SUCLG2: variants seen among roughly 807,000 people sequenced by gnomAD.
The protein encoded by SUCLG2 is succinate--CoA ligase [GDP-forming] subunit beta, mitochondrial.
In SUCLG2, 42 loss-of-function variants were observed where a neutral mutation model predicts 47.9. That is an observed-to-expected ratio of 0.88 (90% CI 0.69 to 1.14). The LOEUF (loss-of-function observed/expected upper bound fraction) is 1.14. Among genes scored for constraint, SUCLG2 ranks in the 50% most tolerant of loss-of-function variants. The pLI, the probability that SUCLG2 is intolerant of heterozygous loss-of-function variation, is 0.00. For missense variants in SUCLG2, 571 were observed against 525.9 expected (o/e 1.09, Z -0.84); for synonymous variants, 195 against 197.3 (o/e 0.99, Z 0.10).
In SUCLG2 at chr3:67,529,204, A is replaced by G; in HGVS notation, c.227-18T>C. On this transcript the variant is annotated intron_variant, in intron 2 of 10. Coordinates refer to ENST00000307227, the MANE Select transcript of SUCLG2 (RefSeq NM_003848.4). ...TTTTGCATCTGAAAAAGAAAAATCC[A>G]GAGTTGGTAGCTGATTTTAAATTCT... The G allele has an allele frequency of 2.5e-6, 4 of 1,587,388 alleles. No individual in the cohort carries two copies. Among genetic ancestry groups the G allele is most frequent in the Non-Finnish European group, 3.4e-6 (4 of 1,164,038 alleles).
At chr3:67,418,266 T>C (rs1458959981) in intron 9 of SUCLG2, among the ~76,000 whole-genome samples, 1 of 152,198 alleles carries the variant, frequency 6.6e-6, no homozygotes, top group Non-Finnish European at 1.5e-5. Flanking sequence ...GGTAAGTACT[T>C]ATTAGCAGTC....
At chr3:67,603,158 GA>G (rs1708456938) in intron 2 of SUCLG2, among the ~76,000 whole-genome samples, 1 of 152,150 alleles carries the variant, frequency 6.6e-6, no homozygotes, top group South Asian at 2.1e-4. Flanking sequence ...TTGGTAAAAG[GA>G]AAACTTACTT....
chr3:67,654,461 G>T (rs759887993), intron 1 of SUCLG2, 42 bp downstream of exon 1: 25 of 1,224,666 alleles, frequency 2.0e-5, no homozygotes, highest in Non-Finnish European at 2.2e-5. Context: ...CGGGCAGGCC[G>T]GCGCCGCTGC....
At chr3:67,593,468 C>T (rs1708222503) in intron 2 of SUCLG2, among the ~76,000 whole-genome samples, 2 of 152,210 alleles carry the variant, frequency 1.3e-5, no homozygotes, top group Non-Finnish European at 2.9e-5. Context: ...TGCCTTTCTT[C>T]AACTACCCCA....
At chr3:67,643,321 A>C (rs772557884) in intron 1 of SUCLG2, among the ~76,000 whole-genome samples, 2 of 152,124 alleles carry the variant, frequency 1.3e-5, no homozygotes, top group African/African-American at 4.8e-5. Context: ...TGTTTTTATT[A>C]ATCTTTTTGA....
chr3:67,452,554 G>A (rs1704080199), intron 9 of SUCLG2, among the ~76,000 whole-genome samples: 2 of 152,094 alleles, frequency 1.3e-5, no homozygotes, highest in South Asian at 2.1e-4. Flanking sequence ...GTAGAAAACA[G>A]GTAAGTTTCA....
At chr3:67,378,965 T>C (rs1222860718) in intron 10 of SUCLG2, among the ~76,000 whole-genome samples, 2 of 152,140 alleles carry the variant, frequency 1.3e-5, no homozygotes, top group Non-Finnish European at 2.9e-5. Flanking sequence ...AATTTTGTTT[T>C]AGACAGAGTC....
At chr3:67,399,802 T>G (rs1702642601) in intron 10 of SUCLG2, among the ~76,000 whole-genome samples, 3 of 152,216 alleles carry the variant, frequency 2.0e-5, no homozygotes, top group African/African-American at 4.8e-5. Context: ...AGATTCCACA[T>G]GGAAACTAAT....
chr3:67,404,544 AG>A (rs1183426094), intron 9 of SUCLG2, among the ~76,000 whole-genome samples: 1 of 152,172 alleles, frequency 6.6e-6, no homozygotes, highest in Non-Finnish European at 1.5e-5. Context: ...CAGGCTGCTT[AG>A]CTCAGGGAAA....
intron 9 of SUCLG2, among the ~76,000 whole-genome samples, chr3:67,486,379 C>T (rs1231985275): frequency 6.6e-6 from 1 of 152,168 alleles, no homozygotes; most frequent in Non-Finnish European, 1.5e-5. Context: ...CAAAACACTA[C>T]CCAGGCAATT....
intron 2 of SUCLG2, among the ~76,000 whole-genome samples, chr3:67,541,872 CTT>C (rs112073915): frequency 3.5e-5 from 5 of 144,092 alleles, no homozygotes; most frequent in Non-Finnish European, 3.1e-5. Context: ...CATTCTTTTT[CTT>C]TTTTTTTTTT....
intron 10 of SUCLG2, among the ~76,000 whole-genome samples, chr3:67,388,340 G>C (rs1166312607): frequency 6.6e-6 from 1 of 152,218 alleles, no homozygotes; most frequent in Non-Finnish European, 1.5e-5. Context: ...CATTTCTGGA[G>C]TCCTAGCTGG....
chr3:67,388,581 C>A (rs1702308814), intron 10 of SUCLG2, among the ~76,000 whole-genome samples: 1 of 152,172 alleles, frequency 6.6e-6, no homozygotes, highest in Non-Finnish European at 1.5e-5. Flanking sequence ...ATTCTTGGCA[C>A]TGATCATAGG....
At chr3:67,474,716 A>G (rs745992352) in intron 9 of SUCLG2, among the ~76,000 whole-genome samples, 2 of 152,130 alleles carry the variant, frequency 1.3e-5, no homozygotes, top group Non-Finnish European at 2.9e-5. Context: ...TCTTTACTGA[A>G]TTTTGTCCTG....
In SUCLG2 at chr3:67,647,262, G is replaced by A. The variant is rs553258129; in HGVS notation, c.84+7241C>T. Among the ~76,000 whole-genome samples, 440 of 152,148 alleles carry A rather than the reference G, an allele frequency of 2.9e-3. 2 individuals are homozygous for A. The highest frequency in any genetic ancestry group is 9.6e-3 in the African/African-American group (398 of 41,496). On this transcript the variant is annotated intron_variant, in intron 1 of 10. Transcript: ENST00000307227. ...ATTCATATATTATGTCAAATCCCTCGAATTTTAAAATAAAAATAAAATTCA... is the reference window on the plus strand; with the variant it reads ...ATTCATATATTATGTCAAATCCCTCAAATTTTAAAATAAAAATAAAATTCA...
rs375087627 is a variant in SUCLG2, at chr3:67,495,846, C to A, written c.1014G>T (p.Lys338Asn). The A allele has an allele frequency of 1.6e-5, 26 of 1,613,892 alleles. No homozygotes were observed. The highest frequency in any genetic ancestry group is 2.0e-5 in the Non-Finnish European group (24 of 1,179,976). The part of the protein sequence containing the change: ...ANFLDLGGGV[K>N]EAQVYQAFKL... ...TGAATGCTTGATATACTTGAGCTTC[C>A]TTTACACCACCTCCAAGATCCAAGA... is the stretch of plus-strand genomic sequence containing the variant. Residue 338 changes from lysine (K) to asparagine (N), a missense_variant, in exon 9 of 11, where the codon AAG becomes AAT. Lys to Asn is a moderately conservative substitution (Grantham distance 94). Transcript: ENST00000307227.
At chr3:67,553,612 C>G (rs574489274) in intron 2 of SUCLG2, among the ~76,000 whole-genome samples, 2 of 152,118 alleles carry the variant, frequency 1.3e-5, no homozygotes, top group South Asian at 4.2e-4. Context: ...ACTCATTATA[C>G]CCATTTTCTT....
At chr3:67,514,681 T>C (rs1252046047) in intron 6 of SUCLG2, among the ~76,000 whole-genome samples, 1 of 152,208 alleles carries the variant, frequency 6.6e-6, no homozygotes, top group African/African-American at 2.4e-5. Flanking sequence ...AGTTTCCCTT[T>C]CTGTGGTTTT....
intron 10 of SUCLG2, among the ~76,000 whole-genome samples, chr3:67,399,042 G>A (rs1441768531): frequency 6.7e-6 from 1 of 149,228 alleles, no homozygotes; most frequent in Non-Finnish European, 1.5e-5. Context: ...GAGGGGGGAA[G>A]GATAGCATTA....
Sources: allele counts gnomAD v4.1 joint callset (sites outside exome capture counted in the v4.1 genomes callset), GRCh38; gene constraint gnomAD v4.1.1; transcripts MANE v1.5; gene names NCBI Gene and HGNC (gene_info 2026-07-23, HGNC 2026-07-21).